Variants in NRXN3 observed in about 807,000 individuals in gnomAD.
The protein encoded by NRXN3 is neurexin III.
NRXN3 carries 32 observed loss-of-function variants against 137.6 expected under a neutral mutation model. That is an observed-to-expected ratio of 0.23 (90% CI 0.18 to 0.31). The LOEUF (loss-of-function observed/expected upper bound fraction) is 0.31. Ranked by LOEUF, NRXN3 falls within the 10% of genes least tolerant of loss-of-function variation. The probability of loss-of-function intolerance (pLI) is 1.00; values close to 1 mark genes in which losing one functional copy is unlikely to be tolerated. For missense variants in NRXN3, 1,574 were observed against 2,062.5 expected, an observed-to-expected ratio of 0.76 and a Z score of 4.59; for synonymous variants, 798 against 784.5, an observed-to-expected ratio of 1.02 and a Z score of -0.29.
At chr14:79,732,809 A>T (rs1268301949) in intron 19 of NRXN3, among the ~76,000 whole-genome samples, 2 of 152,210 alleles carry the variant, frequency 1.3e-5, no homozygotes, top group Non-Finnish European at 2.9e-5. Context: ...AATTTCTTTC[A>T]CTTTCTATAG....
chr14:79,464,672 G>A (rs2096398767), intron 15 of NRXN3, among the ~76,000 whole-genome samples: 1 of 152,084 alleles, frequency 6.6e-6, no homozygotes, highest in South Asian at 2.1e-4. Flanking sequence ...AAAGAACTAA[G>A]TACAGACAAC....
At chr14:79,607,030 A>C (rs2098029176) in intron 16 of NRXN3, among the ~76,000 whole-genome samples, 1 of 152,216 alleles carries the variant, frequency 6.6e-6, no homozygotes, top group Non-Finnish European at 1.5e-5. Flanking sequence ...TTTCACGTGA[A>C]TGTTTTCCTA....
intron 19 of NRXN3, among the ~76,000 whole-genome samples, chr14:79,771,591 A>T: frequency 6.8e-6 from 1 of 147,192 alleles, no homozygotes; most frequent in African/African-American, 2.5e-5. Context: ...CATGCTAAAA[A>T]CTCTCAATAA....
intron 15 of NRXN3, among the ~76,000 whole-genome samples, chr14:79,191,627 A>C (rs1221030045): frequency 1.3e-5 from 2 of 152,180 alleles, no homozygotes; most frequent in Non-Finnish European, 2.9e-5. Flanking sequence ...TTTAGCATTG[A>C]TGACAGTAAA....
intron 8 of NRXN3, among the ~76,000 whole-genome samples, chr14:78,730,869 G>A (rs10483914): frequency 0.27 from 41,794 of 152,118 alleles, 5,974 homozygotes; most frequent in African/African-American, 0.33. Flanking sequence ...GTCTAACATT[G>A]GGTTTGCCCC....
intron 15 of NRXN3, among the ~76,000 whole-genome samples, chr14:79,131,979 G>C (rs960365830): frequency 2.6e-5 from 4 of 152,222 alleles, no homozygotes; most frequent in Non-Finnish European, 4.4e-5. Flanking sequence ...GACTAGGAAA[G>C]GGAACTCCCT....
intron 15 of NRXN3, among the ~76,000 whole-genome samples, chr14:79,195,099 C>T (rs905381251): frequency 6.6e-5 from 10 of 152,032 alleles, no homozygotes; most frequent in Non-Finnish European, 1.2e-4. Flanking sequence ...TGAGTGATAA[C>T]GAATGATGTC....
intron 15 of NRXN3, among the ~76,000 whole-genome samples, chr14:79,185,288 T>C (rs1325024008): frequency 6.6e-6 from 1 of 152,192 alleles, no homozygotes; most frequent in Non-Finnish European, 1.5e-5. Flanking sequence ...ATCTTCTTCA[T>C]GTGAAATCCT....
chr14:79,548,137 A>T (rs2097338872), intron 16 of NRXN3, among the ~76,000 whole-genome samples: 1 of 152,044 alleles, frequency 6.6e-6, no homozygotes, highest in Non-Finnish European at 1.5e-5. Context: ...TGCTGCACTC[A>T]TCAACCCATC....
chr14:78,714,520 A>G (rs1248572001), intron 7 of NRXN3, among the ~76,000 whole-genome samples: 1 of 152,152 alleles, frequency 6.6e-6, no homozygotes, highest in Non-Finnish European at 1.5e-5. Flanking sequence ...GATACACTAG[A>G]TGTTAGGTCA....
At chr14:78,692,941 T>C (rs1161616077) in intron 6 of NRXN3, among the ~76,000 whole-genome samples, 3 of 151,568 alleles carry the variant, frequency 2.0e-5, no homozygotes, top group Non-Finnish European at 4.4e-5. Context: ...ATTAGCTGAG[T>C]GTGTGGTGGC....
intron 15 of NRXN3, among the ~76,000 whole-genome samples, chr14:79,396,224 A>T (rs1222240518): frequency 2.0e-5 from 3 of 152,100 alleles, no homozygotes; most frequent in African/African-American, 7.2e-5. Flanking sequence ...ATGGAACATA[A>T]TACGGGGGTT....
intron 4 of NRXN3, among the ~76,000 whole-genome samples, chr14:78,556,440 G>T (rs891467429): frequency 6.6e-6 from 1 of 152,166 alleles, no homozygotes; most frequent in Non-Finnish European, 1.5e-5. Context: ...TGTGAGAGTA[G>T]ACCTCCCTGG....
At chr14:79,858,610 C>T (rs945318641) in intron 20 of NRXN3, among the ~76,000 whole-genome samples, 1 of 152,032 alleles carries the variant, frequency 6.6e-6, no homozygotes, top group African/African-American at 2.4e-5. Context: ...GAAAAGAACA[C>T]ACATGTTAAA....
intron 15 of NRXN3, among the ~76,000 whole-genome samples, chr14:79,407,800 G>T (rs1236250362): frequency 1.3e-5 from 2 of 152,162 alleles, no homozygotes; most frequent in African/African-American, 4.8e-5. Flanking sequence ...GCCCCAGAGA[G>T]TGGTGGGGGA....
chr14:79,047,852 C>T (rs1244495731), intron 15 of NRXN3, among the ~76,000 whole-genome samples: 1 of 152,108 alleles, frequency 6.6e-6, no homozygotes. Context: ...ATGATAAAAC[C>T]ACTTTGGAAA....
intron 10 of NRXN3, among the ~76,000 whole-genome samples, chr14:78,943,616 A>AT (rs2099357905): frequency 4.9e-5 from 2 of 41,020 alleles, no homozygotes; most frequent in African/African-American, 2.4e-4. Context: ...CTGTTAAAAA[A>AT]AAAAAATATA....
intron 15 of NRXN3, among the ~76,000 whole-genome samples, chr14:79,200,588 G>A (rs77634711): frequency 0.042 from 6,319 of 152,200 alleles, 159 homozygotes; most frequent in Middle Eastern, 0.075. Flanking sequence ...CACTTTGTCC[G>A]TAGAAACACA....
Position 79,861,994 on chromosome 14 carries a change from TCA to T in NRXN3, c.*33_*34del, listed in dbSNP as rs527421313. On this transcript the variant is annotated 3_prime_UTR_variant, in exon 21 of 21. Transcript: ENST00000335750. This position sits in a 1 kb window ranked among gnomAD's most constrained non-coding sequence, Gnocchi z 5.4. ...GCGAACACTGCTCACACGCGAGTTT[TCA>T]CAGTTATTTCTATCCACGCCTATGA... 2.9e-5 allele frequency: 45 copies of T among 1,539,576 alleles called. No individual in the cohort carries two copies. In the East Asian group the frequency reaches 5.3e-4, roughly 18 times the overall value.
Sources: gnomAD v4.1 joint callset for allele counts (sites outside exome capture counted in the v4.1 genomes callset) on GRCh38, gnomAD v4.1.1 for gene constraint, Gnocchi (gnomAD v3.1) non-coding constraint, MANE v1.5 for transcripts, NCBI Gene and HGNC (gene_info 2026-07-23, HGNC 2026-07-21) for gene names.